MSRB3: variants seen among roughly 807,000 people sequenced by gnomAD.
The protein encoded by MSRB3 is methionine sulfoxide reductase B3.
A neutral mutation model predicts 21.0 loss-of-function variants in MSRB3; 13 were observed. The observed-to-expected ratio is 0.62, with a 90% CI of 0.40 to 0.98. MSRB3 has a LOEUF of 0.98. Among genes scored for constraint, MSRB3 ranks in the 50% least tolerant of loss-of-function variants. MSRB3 has a pLI of 0.00. For synonymous variants in MSRB3, 87 were observed against 88.6 expected (o/e 0.98, Z 0.10); for missense variants, 199 against 230.3 (o/e 0.86, Z 0.88).
At chr12:65,384,973 A>G (rs1879135806) in intron 5 of MSRB3, among the ~76,000 whole-genome samples, 1 of 152,146 alleles carries the variant, frequency 6.6e-6, no homozygotes, top group Non-Finnish European at 1.5e-5. Context: ...CATTGATTCT[A>G]GTGGCTCTGT....
intron 5 of MSRB3, among the ~76,000 whole-genome samples, chr12:65,409,610 T>C (rs951085039): frequency 6.6e-6 from 1 of 152,184 alleles, no homozygotes; most frequent in Non-Finnish European, 1.5e-5. Flanking sequence ...CTCTTTTGCC[T>C]TTTCAGGTTC....
chr12:65,292,914 A>G (rs1218025223), intron 1 of MSRB3, among the ~76,000 whole-genome samples: 3 of 152,146 alleles, frequency 2.0e-5, no homozygotes, highest in Non-Finnish European at 2.9e-5. Flanking sequence ...AGAAACTTCA[A>G]TATACAGACA....
At chr12:65,349,103 CTGTGTCCA>C (rs894009204) in intron 4 of MSRB3, among the ~76,000 whole-genome samples, 4 of 151,966 alleles carry the variant, frequency 2.6e-5, no homozygotes, top group African/African-American at 9.7e-5. Context: ...ATTCCCCTTC[CTGTGTCCA>C]TGTGATCTCA....
At chr12:65,427,041 T>A (rs1881632139) in intron 5 of MSRB3, among the ~76,000 whole-genome samples, 1 of 152,244 alleles carries the variant, frequency 6.6e-6, no homozygotes, top group African/African-American at 2.4e-5. Context: ...ATATCTCCAT[T>A]TCTTTAGGGT....
chr12:65,447,046 A>G (rs1239090078), intron 5 of MSRB3, among the ~76,000 whole-genome samples: 2 of 152,226 alleles, frequency 1.3e-5, no homozygotes, highest in Non-Finnish European at 2.9e-5. Flanking sequence ...TGGGGTTGCT[A>G]TTGAGGTGTT....
intron 5 of MSRB3, among the ~76,000 whole-genome samples, chr12:65,379,638 A>G (rs1247788807): frequency 1.3e-5 from 2 of 152,178 alleles, no homozygotes; most frequent in African/African-American, 4.8e-5. Flanking sequence ...TCTTTTTTAT[A>G]TGGTGGCTTT....
At chr12:65,353,634 G>A (rs1181377984) in intron 4 of MSRB3, among the ~76,000 whole-genome samples, 1 of 152,016 alleles carries the variant, frequency 6.6e-6, no homozygotes, top group South Asian at 2.1e-4. Flanking sequence ...CATGTGAGAT[G>A]GGTTTCCTGA....
chr12:65,332,292 G>GGTGTGTGTGT (rs369716664), intron 4 of MSRB3, among the ~76,000 whole-genome samples: 2,067 of 150,242 alleles, frequency 0.014, 26 homozygotes, highest in Middle Eastern at 0.024. Context: ...AAACAATTGA[G>GGTGTGTGTGT]GTGTGTGTGT....
rs1291817550 is a variant in MSRB3 at position 65,369,107 on chromosome 12, C to T, written c.292+81C>T. ...AGGAGTAAATCATCAGATCAAGAAC[C>T]ATTTTGATTTTAAACAGACTAGGCG... On this transcript the variant is annotated intron_variant, in intron 5 of 6. Transcript: ENST00000308259. 6 of 1,091,486 alleles carry T rather than the reference C, an allele frequency of 5.5e-6. No homozygotes were observed. The African/African-American group carries it at 9.3e-5, about 17-fold the overall frequency. 67.6% of individuals were successfully genotyped at this position (1,091,486 alleles called of 1,614,324 possible).
At chr12:65,404,977 A>G (rs922037982) in intron 5 of MSRB3, among the ~76,000 whole-genome samples, 9 of 149,652 alleles carry the variant, frequency 6.0e-5, no homozygotes, top group African/African-American at 2.2e-4. Flanking sequence ...TTTTTTTTAG[A>G]CAGAGTCTCA....
chr12:65,328,134 A>T (rs1335674695), intron 3 of MSRB3, among the ~76,000 whole-genome samples: 1 of 151,350 alleles, frequency 6.6e-6, no homozygotes, highest in African/African-American at 2.4e-5. Context: ...AAAAAATAAG[A>T]CTCCTTCCAC....
intron 5 of MSRB3, among the ~76,000 whole-genome samples, chr12:65,375,930 G>GA (rs1555207226): frequency 2.0e-5 from 3 of 148,750 alleles, no homozygotes; most frequent in African/African-American, 7.4e-5. Flanking sequence ...ACTTATTAAA[G>GA]TTTTTTTTTT....
At chr12:65,351,539 G>C (rs944060461) in intron 4 of MSRB3, among the ~76,000 whole-genome samples, 1 of 149,472 alleles carries the variant, frequency 6.7e-6, no homozygotes, top group Admixed American at 6.6e-5. Flanking sequence ...TTTTTTGAAG[G>C]GATCAACAAA....
Position 65,328,486 on chromosome 12 carries a change from T to C in MSRB3, c.186-40T>C, listed in dbSNP as rs1457160811. 2.9e-6 allele frequency: 4 copies of C among 1,375,384 alleles called. No individual in the cohort carries two copies. In the South Asian group the frequency reaches 4.6e-5, roughly 16 times the overall value. 85.2% of individuals were successfully genotyped at this position (1,375,384 alleles called of 1,614,324 possible). On this transcript the variant is annotated intron_variant, in intron 3 of 6. Transcript: ENST00000308259. ...AGCAAATACATTCTGTAAGAAATAA[T>C]GCTAACTTTAATTTTTTAAATGATC...
At chr12:65,431,632 C>A (rs979956304) in intron 5 of MSRB3, among the ~76,000 whole-genome samples, 5 of 151,846 alleles carry the variant, frequency 3.3e-5, no homozygotes, top group Non-Finnish European at 7.4e-5. Context: ...AGGTGAAAGT[C>A]AGGTTATAGT....
intron 5 of MSRB3, among the ~76,000 whole-genome samples, chr12:65,392,791 A>G (rs1458808802): frequency 1.3e-5 from 2 of 152,128 alleles, no homozygotes. Flanking sequence ...TGTTTCTTCC[A>G]TTTCATGCTC....
At chr12:65,309,443 C>G (rs1024563968) in intron 2 of MSRB3, among the ~76,000 whole-genome samples, 1 of 152,154 alleles carries the variant, frequency 6.6e-6, no homozygotes. Context: ...GTTAACTATG[C>G]ATGCCAGGCA....
chr12:65,361,092 G>A (rs1330108455), intron 4 of MSRB3, among the ~76,000 whole-genome samples: 1 of 151,188 alleles, frequency 6.6e-6, no homozygotes, highest in Admixed American at 6.6e-5. Context: ...TTTAAACTTA[G>A]CTTTACTAGT....
intron 5 of MSRB3, among the ~76,000 whole-genome samples, chr12:65,401,703 G>A (rs557886652): frequency 7.2e-5 from 11 of 151,838 alleles, no homozygotes; most frequent in East Asian, 1.9e-4. Flanking sequence ...TCTTCATAGC[G>A]TTGATGGTCT....
Sources: gnomAD v4.1 joint callset for allele counts (sites outside exome capture counted in the v4.1 genomes callset) on GRCh38, gnomAD v4.1.1 for gene constraint, MANE v1.5 for transcripts, NCBI Gene and HGNC (gene_info 2026-07-23, HGNC 2026-07-21) for gene names.